The following CACNA1A variants were observed in gnomAD, a reference collection of about 807,000 sequenced individuals.
The protein encoded by CACNA1A is calcium voltage-gated channel subunit alpha1 A.
CACNA1A carries 57 observed loss-of-function variants against 262.4 expected under a neutral mutation model. That is an observed-to-expected ratio of 0.22 (90% CI 0.18 to 0.27). CACNA1A has a LOEUF of 0.27. Among genes scored for constraint, CACNA1A ranks in the 10% least tolerant of loss-of-function variants. The pLI, the probability that CACNA1A is intolerant of heterozygous loss-of-function variation, is 1.00. For missense variants in CACNA1A, 2,526 were observed against 3,562.8 expected, an observed-to-expected ratio of 0.71 and a Z score of 7.41; for synonymous variants, 1,431 against 1,419.3, an observed-to-expected ratio of 1.01 and a Z score of -0.18.
Position 13,212,175 on chromosome 19 carries a change from G to T in CACNA1A, c.6231C>A (p.Asp2077Glu), listed in dbSNP as rs751515136. 3.5e-5 allele frequency: 57 copies of T among 1,613,812 alleles called. No individual in the cohort carries two copies. The highest frequency in any genetic ancestry group is 6.7e-5 in the Admixed American group (4 of 59,998). ...CTTCCATGGGGAGGTAGTGCTCGCTGTCGGAGTAGCCATCTCTGCCCATCT... is the reference window on the plus strand; with the variant it reads ...CTTCCATGGGGAGGTAGTGCTCGCTTTCGGAGTAGCCATCTCTGCCCATCT... ...MREMGRDGYS[D>E]SEHYLPMEGQ... The change falls in exon 43 of 47, where the codon GAC becomes GAA. Residue 2077 changes from aspartate to glutamate, a missense_variant. By Grantham distance (45) the Asp-to-Glu change is conservative. This residue lies in a region of CACNA1A where 929 missense variants were observed against 868.1 expected (regional missense o/e 1.07). Coordinates refer to ENST00000360228, the MANE Select transcript of CACNA1A (RefSeq NM_001127222.2). This position sits in a 1 kb window ranked among gnomAD's most constrained non-coding sequence, Gnocchi z 5.6.
Position 13,303,804 on chromosome 19 carries a change from G to C in CACNA1A, c.2067C>G (p.Phe689Leu). ...GCGTCAGTACAATGAAATAGATGGA[G>C]AACACCATGCCGCCCTGCACGCCCC... Reference protein sequence around the residue: ...SQGGVQGGMVFSIYFIVLTLF... With the variant: ...SQGGVQGGMVLSIYFIVLTLF... Residue 689 changes from phenylalanine (F) to leucine (L), a missense_variant, in exon 16 of 47, where the codon TTC (phenylalanine) becomes TTG (leucine). By Grantham distance (22) the Phe-to-Leu change is conservative (BLOSUM62 0). This residue lies in a region of CACNA1A where 102 missense variants were observed against 278.9 expected (regional missense o/e 0.37). Transcript: ENST00000360228. 1 of 1,613,288 alleles carries C rather than the reference G, an allele frequency of 6.2e-7. No homozygotes were observed. Among genetic ancestry groups the C allele is most frequent in the Non-Finnish European group, 8.5e-7 (1 of 1,179,384 alleles).
intron 3 of CACNA1A, among the ~76,000 whole-genome samples, chr19:13,435,508 G>T (rs978847549): frequency 2.0e-5 from 3 of 152,120 alleles, no homozygotes; most frequent in African/African-American, 7.2e-5. Context: ...CTTGCCAGAG[G>T]TCAGCAGAGC....
chr19:13,401,000 T>A (rs2059891416), intron 3 of CACNA1A, among the ~76,000 whole-genome samples: 1 of 152,128 alleles, frequency 6.6e-6, no homozygotes. Context: ...AATTTTTCTA[T>A]TTTTTTAGAG....
rs113718503 is a variant in CACNA1A, at chr19:13,290,705, G to A, written c.3090-3739C>T. On this transcript the variant is annotated intron_variant, in intron 19 of 46. Coordinates refer to ENST00000360228, the MANE Select transcript of CACNA1A (RefSeq NM_001127222.2). The stretch of plus-strand genomic sequence containing the variant: ...TGGGATTACAGGTGTGAGCCACCAC[G>A]CCTGGCCCTGTGTATGTATATGTGT... Among the ~76,000 whole-genome samples the A allele has an allele frequency of 6.2e-3, 942 of 152,086 alleles. 14 individuals carry two copies. The highest frequency in any genetic ancestry group is 0.022 in the African/African-American group (900 of 41,468).
intron 22 of CACNA1A, among the ~76,000 whole-genome samples, chr19:13,282,473 T>G (rs2057314156): frequency 6.6e-6 from 1 of 152,078 alleles, no homozygotes; most frequent in African/African-American, 2.4e-5. Context: ...ACCACAAGCA[T>G]GCACTCATTC....
Position 13,234,761 on chromosome 19 carries a change from TACC to T in CACNA1A, c.5249+157_5249+159del. On this transcript the variant is annotated intron_variant, in intron 34 of 46. Coordinates refer to ENST00000360228, the MANE Select transcript of CACNA1A (RefSeq NM_001127222.2). ...TACCGGAAGAGAAGGGCACGCCCCC[TACC>T]GGAAAAGAAGGGTGAGGGCGCGCCC... 4 of 577,756 alleles carry T rather than the reference TACC, an allele frequency of 6.9e-6. No homozygotes were observed. In the Admixed American group the frequency reaches 9.3e-5, roughly 13 times the overall value. 35.8% of individuals were successfully genotyped at this position (577,756 alleles called of 1,614,324 possible). A position where few individuals can be genotyped will look rare whatever the true frequency, so the allele number is the denominator to read the frequency against.
chr19:13,471,146 T>TA (rs2061340736), intron 1 of CACNA1A, among the ~76,000 whole-genome samples: 1 of 152,150 alleles, frequency 6.6e-6, no homozygotes, highest in African/African-American at 2.4e-5. Context: ...TAAAAGCACT[T>TA]ACCATGGAAT....
chr19:13,467,971 A>AGT (rs57410716), intron 1 of CACNA1A, among the ~76,000 whole-genome samples: 41,675 of 149,966 alleles, frequency 0.28, 7,823 homozygotes, highest in East Asian at 0.54. Context: ...GAGATGAGTG[A>AGT]GTGTGTGTGT....
intron 1 of CACNA1A, among the ~76,000 whole-genome samples, chr19:13,491,655 G>T (rs1166068634): frequency 2.0e-5 from 3 of 152,168 alleles, no homozygotes; most frequent in Non-Finnish European, 2.9e-5. Context: ...TCTTGTGGCT[G>T]CCATTTCGCT....
chr19:13,475,128 A>G (rs1978370488), intron 1 of CACNA1A, among the ~76,000 whole-genome samples: 1 of 152,222 alleles, frequency 6.6e-6, no homozygotes, highest in Non-Finnish European at 1.5e-5. Context: ...ATAGGAAAAT[A>G]TGAATATCCA....
intron 36 of CACNA1A, 111 bp downstream of exon 36, chr19:13,229,971 G>T: frequency 7.9e-7 from 1 of 1,262,088 alleles, no homozygotes; most frequent in South Asian, 1.5e-5. Context: ...TGAGACCCCT[G>T]CTAGGACCCC....
rs2054937941 is a variant in CACNA1A, at chr19:13,214,796, T to C, written c.5732-188A>G. 6.7e-6 allele frequency: 4 copies of C among 597,950 alleles called. No homozygotes were observed. Among genetic ancestry groups the C allele is most frequent in the Non-Finnish European group, 8.9e-6 (3 of 336,620 alleles). 37.0% of individuals were successfully genotyped at this position (597,950 alleles called of 1,614,324 possible). On this transcript the variant is annotated intron_variant, in intron 38 of 46. Transcript: ENST00000360228. This position sits in a 1 kb window ranked among gnomAD's most constrained non-coding sequence, Gnocchi z 4.1. ...GTGCTGCTGGAATGACCTTGTGGGC[T>C]CTGGTTTTCGGTGGGGCCAGGACCA...
intron 44 of CACNA1A, 62 bp downstream of exon 44, chr19:13,210,555 G>A (rs558410124): frequency 6.2e-6 from 9 of 1,448,176 alleles, no homozygotes; most frequent in East Asian, 2.5e-5. Flanking sequence ...CTCCCTGGAG[G>A]GGGGGTGGGG....
intron 45 of CACNA1A, 73 bp downstream of exon 45, chr19:13,209,236 TCTC>T: frequency 7.1e-7 from 1 of 1,411,698 alleles, no homozygotes; most frequent in Non-Finnish European, 9.3e-7. Flanking sequence ...TTCCTTAGTG[TCTC>T]CTCCGCCCTG....
intron 4 of CACNA1A, 26 bp from the exon 5 acceptor site, chr19:13,365,495 A>T (rs553389236): frequency 1.1e-5 from 17 of 1,609,590 alleles, no homozygotes; most frequent in Non-Finnish European, 1.4e-5. Context: ...GAGAGGCCCC[A>T]TAAGCCCATG....
chr19:13,259,540 T>C, intron 27 of CACNA1A, 24 bp downstream of exon 27: 1 of 1,588,720 alleles, frequency 6.3e-7, no homozygotes, highest in East Asian at 2.3e-5. Flanking sequence ...TCCTCCTGGA[T>C]AGATTTCCAG....
intron 38 of CACNA1A, chr19:13,215,291 G>GA (rs1194087089): frequency 6.8e-6 from 1 of 146,120 alleles, no homozygotes; most frequent in Admixed American, 7.0e-5. Context: ...GATTACAGGC[G>GA]TAAGCCACCG....
rs993506572 is a variant in CACNA1A, at chr19:13,429,088, C to T, written c.539+23788G>A. 2.6e-5 allele frequency among the ~76,000 whole-genome samples: 4 copies of T among 151,786 alleles called. 1 individual carries two copies. The highest frequency in any genetic ancestry group is 4.2e-4 in the South Asian group (2 of 4,796). The stretch of plus-strand genomic sequence containing the variant: ...GCTGACCACCTTCTGAGCTGGGTCT[C>T]GCTCCTCTGCCCATTAGCTTTCTTT... On this transcript the variant is annotated intron_variant, in intron 3 of 46. Transcript: ENST00000360228.
intron 37 of CACNA1A, chr19:13,226,385 G>T (rs2055448964): frequency 6.6e-6 from 1 of 152,074 alleles, no homozygotes; most frequent in East Asian, 1.9e-4. Context: ...TATAGGTTAG[G>T]TGAGGAGGGG....
Sources: allele counts gnomAD v4.1 joint callset (sites outside exome capture counted in the v4.1 genomes callset), GRCh38; gene constraint gnomAD v4.1.1; regional missense constraint gnomAD v4.1.1; non-coding constraint Gnocchi (gnomAD v3.1); transcripts MANE v1.5; gene names NCBI Gene and HGNC (gene_info 2026-07-23, HGNC 2026-07-21).